BAZ2B: variants seen among roughly 807,000 people sequenced by gnomAD.
BAZ2B encodes bromodomain adjacent to zinc finger domain 2B.
A neutral mutation model predicts 246.0 loss-of-function variants in BAZ2B; 91 were observed. The observed-to-expected ratio is 0.37, with a 90% confidence interval of 0.31 to 0.44. BAZ2B has a LOEUF of 0.44. Ranked by LOEUF, BAZ2B falls within the 20% of genes least tolerant of loss-of-function variation. The probability of loss-of-function intolerance (pLI) is 1.00; values close to 1 mark genes in which losing one functional copy is unlikely to be tolerated. For missense variants in BAZ2B, 2,332 were observed against 2,533.7 expected (o/e 0.92, Z 1.71); for synonymous variants, 855 against 860.0 (o/e 0.99, Z 0.10).
the BAZ2B span, among the ~76,000 whole-genome samples, chr2:159,710,405 T>C: frequency 6.6e-6 from 1 of 152,120 alleles, no homozygotes; most frequent in East Asian, 1.9e-4. Flanking sequence ...AGACAGGGTT[T>C]CACTGTGTTA....
At chr2:159,520,031 C>A (rs1347419692) in intron 2 of BAZ2B, among the ~76,000 whole-genome samples, 1 of 151,942 alleles carries the variant, frequency 6.6e-6, no homozygotes, top group Non-Finnish European at 1.5e-5. Context: ...AGAACATTTA[C>A]TTTTTGTTAC....
intron 2 of BAZ2B, among the ~76,000 whole-genome samples, chr2:159,506,580 G>A (rs187571557): frequency 4.0e-4 from 61 of 152,182 alleles, no homozygotes; most frequent in African/African-American, 1.2e-3. Flanking sequence ...GAACCAGATC[G>A]GCCCAGTCCA....
At chr2:159,614,102 G>A (rs1206397083) in intron 1 of BAZ2B, among the ~76,000 whole-genome samples, 1 of 152,090 alleles carries the variant, frequency 6.6e-6, no homozygotes, top group Non-Finnish European at 1.5e-5. Context: ...ATGTAAATAT[G>A]CTGACTGAAA....
intron 18 of BAZ2B, 121 bp downstream of exon 18, chr2:159,398,708 T>C: frequency 2.4e-6 from 2 of 847,214 alleles, no homozygotes; most frequent in East Asian, 2.7e-5. Context: ...ATGTAGTATC[T>C]GCTAAACATA....
At chr2:159,464,715 T>C (rs952795040) in intron 3 of BAZ2B, 3 of 152,224 alleles carry the variant, frequency 2.0e-5, no homozygotes, top group African/African-American at 7.2e-5. Context: ...AAATGACTAT[T>C]CTTAAAAGAT....
At chr2:159,395,943 T>G in intron 19 of BAZ2B, 109 bp from the exon 20 acceptor site, 1 of 891,532 alleles carries the variant, frequency 1.1e-6, no homozygotes, top group Non-Finnish European at 1.7e-6. Flanking sequence ...ATAGCATGTT[T>G]AGCATTTATA....
the BAZ2B span, among the ~76,000 whole-genome samples, chr2:159,640,005 G>GA: frequency 1.3e-5 from 2 of 151,852 alleles, no homozygotes; most frequent in Non-Finnish European, 2.9e-5. Flanking sequence ...TAAAGGGATG[G>GA]AAAAAAACAT....
the BAZ2B span, among the ~76,000 whole-genome samples, chr2:159,643,745 G>A: frequency 2.0e-4 from 31 of 151,610 alleles, no homozygotes; most frequent in South Asian, 1.3e-3. Flanking sequence ...GTGTGGTGGC[G>A]GGCACCTGTA....
intron 1 of BAZ2B, among the ~76,000 whole-genome samples, chr2:159,587,142 A>T (rs1008585407): frequency 6.6e-6 from 1 of 151,156 alleles, no homozygotes; most frequent in Non-Finnish European, 1.5e-5. Context: ...GCAGTGGCGC[A>T]ATCTCGGCTC....
At chr2:159,681,271 A>G in the BAZ2B span, among the ~76,000 whole-genome samples, 1 of 152,320 alleles carries the variant, frequency 6.6e-6, no homozygotes, top group East Asian at 1.9e-4. Flanking sequence ...ACTATAAAAA[A>G]TAATTTTATA....
intron 27 of BAZ2B, among the ~76,000 whole-genome samples, chr2:159,367,906 T>C (rs2060392258): frequency 6.6e-6 from 1 of 151,846 alleles, no homozygotes; most frequent in Admixed American, 6.6e-5. Flanking sequence ...AAGTAATAAA[T>C]AAGATGATGA....
chr2:159,330,648 C>T (rs2064579151), intron 34 of BAZ2B, among the ~76,000 whole-genome samples: 1 of 151,506 alleles, frequency 6.6e-6, no homozygotes, highest in Admixed American at 6.6e-5. Context: ...CAGCTGAGCC[C>T]AGGAGTTTGA....
chr2:159,378,180 A>G (rs1346439480), intron 25 of BAZ2B, among the ~76,000 whole-genome samples: 1 of 152,242 alleles, frequency 6.6e-6, no homozygotes, highest in East Asian at 1.9e-4. Flanking sequence ...CACTTGCCAA[A>G]TGAAGCAGAT....
At chr2:159,469,602 A>AT (rs1169603888) in intron 3 of BAZ2B, among the ~76,000 whole-genome samples, 1 of 151,826 alleles carries the variant, frequency 6.6e-6, no homozygotes, top group Non-Finnish European at 1.5e-5. Context: ...TGCCTGGCTA[A>AT]TTTTTTATAT....
chr2:159,431,260 G>A, intron 9 of BAZ2B, 104 bp from the exon 10 acceptor site: 1 of 1,435,950 alleles, frequency 7.0e-7, no homozygotes, highest in East Asian at 2.4e-5. Context: ...CTGTGAATGA[G>A]AACTCAAATG....
At chr2:159,676,687 G>A in the BAZ2B span, among the ~76,000 whole-genome samples, 1 of 54,450 alleles carries the variant, frequency 1.8e-5, no homozygotes, top group Non-Finnish European at 4.7e-5. Context: ...ACACAGAGTT[G>A]TTTTAAAGTT....
the BAZ2B span, among the ~76,000 whole-genome samples, chr2:159,706,084 A>ACACACACACACACACACACACAC: frequency 1.4e-3 from 214 of 149,772 alleles, 3 homozygotes; most frequent in Non-Finnish European, 1.4e-3. Context: ...AAACATATAT[A>ACACACACACACACACACACACAC]ACACACACAC....
At chr2:159,696,664 C>T in the BAZ2B span, among the ~76,000 whole-genome samples, 1 of 152,218 alleles carries the variant, frequency 6.6e-6, no homozygotes, top group Non-Finnish European at 1.5e-5. Flanking sequence ...ACAGCTTGCA[C>T]AAAGGCATGA....
Position 159,448,385 on chromosome 2 carries a change from T to A in BAZ2B, c.359A>T (p.Asp120Val). 1 of 1,595,972 alleles carries A rather than the reference T, an allele frequency of 6.3e-7. No individual in the cohort carries two copies. The highest frequency in any genetic ancestry group is 8.5e-7 in the Non-Finnish European group (1 of 1,175,000). ...FPGAEWWRTT[D>V]AHTRTGATFF... ...GGTTGCTCCTGTACGAGTATGAGCA[T>A]CAGTTGTTCGCCACCATTCTGCACC... Residue 120 changes from aspartate to valine, a missense_variant, in exon 5 of 37, where the codon GAT (aspartate) becomes GTT (valine). Transcript: ENST00000392783.
Sources: gnomAD v4.1 joint callset for allele counts (sites outside exome capture counted in the v4.1 genomes callset) on GRCh38, gnomAD v4.1.1 for gene constraint, MANE v1.5 for transcripts, NCBI Gene and HGNC (gene_info 2026-07-23, HGNC 2026-07-21) for gene names.